ANO1: variants seen among roughly 807,000 people sequenced by gnomAD.
ANO1 encodes the protein anoctamin 1.
Under a neutral mutation model 124.0 loss-of-function variants are expected in ANO1, and 59 were observed. The observed-to-expected ratio is 0.48, with a 90% confidence interval of 0.39 to 0.59. The LOEUF (loss-of-function observed/expected upper bound fraction) is 0.59. ANO1 is among the 20% of genes least tolerant of loss of function. The pLI is 0.00. For synonymous variants in ANO1, 529 were observed against 532.0 expected (o/e 0.99, Z 0.08); for missense variants, 1,059 against 1,328.0 (o/e 0.80, Z 3.15).
intron 24 of ANO1, among the ~76,000 whole-genome samples, chr11:70,184,730 CT>C (rs764473416): frequency 1.8e-4 from 27 of 152,118 alleles, no homozygotes; most frequent in Non-Finnish European, 2.5e-4. Context: ...TATTGTTTTG[CT>C]GTGTTTTTTG....
At chr11:70,116,621 T>C (rs1342118928) in intron 8 of ANO1, 122 bp downstream of exon 8, 2 of 876,780 alleles carry the variant, frequency 2.3e-6, no homozygotes, top group Non-Finnish European at 3.6e-6. Flanking sequence ...GGGCGCTCGC[T>C]GCAGGGGGCT....
intron 1 of ANO1, among the ~76,000 whole-genome samples, chr11:70,019,619 A>G (rs1555002418): frequency 2.0e-5 from 3 of 152,168 alleles, no homozygotes; most frequent in African/African-American, 7.2e-5. Flanking sequence ...AAAATGGGCC[A>G]TGATGGGAAG....
At chr11:69,972,173 C>T in the ANO1 span, among the ~76,000 whole-genome samples, 153 of 121,346 alleles carry the variant, frequency 1.3e-3, no homozygotes, top group African/African-American at 4.7e-3. Context: ...CATGACAGAG[C>T]AAGACTCCGT....
chr11:70,032,535 A>C (rs988671866), intron 1 of ANO1, among the ~76,000 whole-genome samples: 1 of 138,484 alleles, frequency 7.2e-6, no homozygotes, highest in Non-Finnish European at 1.6e-5. Context: ...GAGGCGGGAG[A>C]GGGGGGGGGT....
chr11:70,023,262 CG>C (rs1266141636), intron 1 of ANO1, among the ~76,000 whole-genome samples: 1 of 152,182 alleles, frequency 6.6e-6, no homozygotes, highest in East Asian at 1.9e-4. Context: ...ATTGTTGGAC[CG>C]GCATGTGTTA....
At chr11:70,178,774 G>A (rs2048825986) in intron 22 of ANO1, among the ~76,000 whole-genome samples, 1 of 152,222 alleles carries the variant, frequency 6.6e-6, no homozygotes, top group Admixed American at 6.5e-5. Context: ...ATATTGGCGA[G>A]GCTGCTCTCG....
upstream of ANO1, among the ~76,000 whole-genome samples, chr11:69,983,414 G>A (rs1201270381): frequency 2.6e-5 from 4 of 152,154 alleles, no homozygotes; most frequent in South Asian, 2.1e-4. Flanking sequence ...CCGTAATGAC[G>A]GCTGTGTGTT....
intron 9 of ANO1, among the ~76,000 whole-genome samples, chr11:70,125,099 T>A (rs1342336511): frequency 6.6e-6 from 1 of 152,002 alleles, no homozygotes; most frequent in Non-Finnish European, 1.5e-5. Context: ...TCGCAGCACT[T>A]TGGGAGGCTG....
chr11:70,106,100 C>T (rs987701841), intron 5 of ANO1, among the ~76,000 whole-genome samples: 2 of 152,114 alleles, frequency 1.3e-5, no homozygotes, highest in Admixed American at 6.5e-5. Flanking sequence ...CTCAGAGCCG[C>T]CTCGTGGTGG....
chr11:70,084,206 C>T (rs2044289744), intron 1 of ANO1, among the ~76,000 whole-genome samples: 1 of 152,170 alleles, frequency 6.6e-6, no homozygotes, highest in African/African-American at 2.4e-5. Flanking sequence ...CTGCTGGGCA[C>T]TGGCACATTC....
At chr11:70,114,608 T>C (rs2045908148) in intron 7 of ANO1, among the ~76,000 whole-genome samples, 1 of 152,222 alleles carries the variant, frequency 6.6e-6, no homozygotes, top group African/African-American at 2.4e-5. Context: ...TCCTCAAGAA[T>C]ATCTGGTCGG....
intron 1 of ANO1, among the ~76,000 whole-genome samples, chr11:70,042,474 A>C (rs1240605901): frequency 6.6e-6 from 1 of 151,450 alleles, no homozygotes; most frequent in African/African-American, 2.4e-5. Flanking sequence ...GCATTCATGC[A>C]TGCGTGCGTA....
At chr11:70,108,693 G>A (rs2045654971) in intron 6 of ANO1, among the ~76,000 whole-genome samples, 1 of 152,224 alleles carries the variant, frequency 6.6e-6, no homozygotes, top group Admixed American at 6.5e-5. Flanking sequence ...AAACAGACCA[G>A]TGTTAGGGAT....
intron 22 of ANO1, among the ~76,000 whole-genome samples, chr11:70,172,148 A>AAAAG (rs1479307331): frequency 4.0e-5 from 6 of 151,798 alleles, no homozygotes; most frequent in African/African-American, 1.4e-4. Flanking sequence ...AAAAGAAAAG[A>AAAAG]AAAGAAAAAG....
At chr11:69,983,254 G>A (rs1554996459), upstream of ANO1, among the ~76,000 whole-genome samples, 1 of 152,048 alleles carries the variant, frequency 6.6e-6, no homozygotes, top group Non-Finnish European at 1.5e-5. Flanking sequence ...CTCACCCTAC[G>A]AAACCTATTT....
chr11:70,052,555 T>C (rs868943556), intron 1 of ANO1, among the ~76,000 whole-genome samples: 2 of 75,904 alleles, frequency 2.6e-5, no homozygotes, highest in African/African-American at 5.0e-5. Flanking sequence ...TTTTTTTTTT[T>C]TTTTTTTTTT....
chr11:69,976,650 A>G, the ANO1 span, among the ~76,000 whole-genome samples: 1 of 151,008 alleles, frequency 6.6e-6, no homozygotes, highest in African/African-American at 2.4e-5. Context: ...AGCCAAGGAG[A>G]GAGGCCTCAG....
intron 1 of ANO1, chr11:70,021,083 A>G (rs782312997): frequency 4.6e-5 from 7 of 151,854 alleles, no homozygotes; most frequent in Non-Finnish European, 1.0e-4. Flanking sequence ...TCATATCCAA[A>G]CTCACTCAGC....
intron 1 of ANO1, among the ~76,000 whole-genome samples, chr11:69,996,211 A>C (rs542350800): frequency 6.6e-6 from 1 of 152,298 alleles, no homozygotes; most frequent in African/African-American, 2.4e-5. Context: ...AACTTATGAG[A>C]CCATCCTGAG....
Sources: allele counts gnomAD v4.1 joint callset (sites outside exome capture counted in the v4.1 genomes callset), GRCh38; gene constraint gnomAD v4.1.1; transcripts MANE v1.5; gene names NCBI Gene and HGNC (gene_info 2026-07-23, HGNC 2026-07-21).